MYO1B: variants seen among roughly 807,000 people sequenced by gnomAD.
MYO1B encodes the protein unconventional myosin-Ib.
Under a neutral mutation model 159.7 loss-of-function variants are expected in MYO1B, and 72 were observed. The ratio of observed to expected loss-of-function variants is 0.45; its 90% CI spans 0.37 to 0.55. MYO1B has a LOEUF of 0.55. Ranked by LOEUF, MYO1B falls within the 20% of genes least tolerant of loss-of-function variation. The probability of loss-of-function intolerance (pLI) is 0.00; values close to 1 mark genes in which losing one functional copy is unlikely to be tolerated. For synonymous variants in MYO1B, 468 were observed against 473.8 expected, an observed-to-expected ratio of 0.99 and a Z score of 0.16; for missense variants, 1,062 against 1,364.8, an observed-to-expected ratio of 0.78 and a Z score of 3.50.
chr2:191,353,842 A>G (rs941654319), intron 7 of MYO1B, among the ~76,000 whole-genome samples: 4 of 152,240 alleles, frequency 2.6e-5, no homozygotes, highest in African/African-American at 9.6e-5. Context: ...TGAGCACTCA[A>G]TAAATATTTG....
intron 2 of MYO1B, among the ~76,000 whole-genome samples, chr2:191,292,873 G>A (rs1037998213): frequency 2.0e-5 from 3 of 152,110 alleles, no homozygotes; most frequent in African/African-American, 7.3e-5. Context: ...CTCTGGGATA[G>A]CAAGTTAGCC....
chr2:191,385,182 G>A (rs1695327942), intron 15 of MYO1B, among the ~76,000 whole-genome samples: 1 of 152,146 alleles, frequency 6.6e-6, no homozygotes, highest in South Asian at 2.1e-4. Context: ...TCAGTTTAGG[G>A]CTGACTACTC....
chr2:191,268,052 C>G (rs1373734628), intron 1 of MYO1B, among the ~76,000 whole-genome samples: 2 of 152,212 alleles, frequency 1.3e-5, no homozygotes, highest in Non-Finnish European at 2.9e-5. Flanking sequence ...AGAACTTAAA[C>G]CTCCCTTCTC....
At chr2:191,354,851 A>G (rs1693169423) in intron 7 of MYO1B, among the ~76,000 whole-genome samples, 1 of 152,224 alleles carries the variant, frequency 6.6e-6, no homozygotes, top group Non-Finnish European at 1.5e-5. Context: ...GACACAGATC[A>G]TACCTCTCGA....
intron 1 of MYO1B, among the ~76,000 whole-genome samples, chr2:191,256,740 C>T (rs1161713057): frequency 1.3e-5 from 2 of 152,104 alleles, no homozygotes; most frequent in Admixed American, 6.5e-5. Context: ...GTCAGGCTGG[C>T]GGTCTCCAGT....
At chr2:191,287,198 T>C (rs1306308402) in intron 2 of MYO1B, among the ~76,000 whole-genome samples, 1 of 151,936 alleles carries the variant, frequency 6.6e-6, no homozygotes, top group African/African-American at 2.4e-5. Context: ...TCCTCAGAAT[T>C]AGATGAGGGA....
At chr2:191,336,845 A>G (rs928708204) in intron 4 of MYO1B, among the ~76,000 whole-genome samples, 7 of 152,306 alleles carry the variant, frequency 4.6e-5, no homozygotes, top group African/African-American at 1.7e-4. Context: ...CAAAAGCTCA[A>G]TTCCTAGAAA....
At chr2:191,332,866 T>A (rs1162434288) in intron 4 of MYO1B, among the ~76,000 whole-genome samples, 1 of 152,184 alleles carries the variant, frequency 6.6e-6, no homozygotes, top group East Asian at 1.9e-4. Context: ...CCCATGTTGG[T>A]AAGTCTCCTT....
At position 191,370,258 on chromosome 2, in the gene MYO1B, G is replaced by T. The variant is rs1460202891; in HGVS notation, c.1151G>T (p.Gly384Val). The T allele has an allele frequency of 1.2e-6, 2 of 1,613,402 alleles. No individual in the cohort carries two copies. Among genetic ancestry groups the T allele is most frequent in the Non-Finnish European group, 1.7e-6 (2 of 1,179,664 alleles). Residue 384 changes from glycine to valine, a missense_variant, in exon 13 of 31, where the codon GGT becomes GTT. By Grantham distance (109) the Gly-to-Val change is moderately radical. Coordinates refer to ENST00000392318, the MANE Select transcript of MYO1B (RefSeq NM_001130158.3). ...ACAAAAGTGAGAAAGAAGGTCATGGGTGTTCTGGACATTTATGGCTTTGAG... is the reference window on the plus strand; with the variant it reads ...ACAAAAGTGAGAAAGAAGGTCATGGTTGTTCTGGACATTTATGGCTTTGAG... ...AQTKVRKKVM[G>V]VLDIYGFEIF...
chr2:191,265,591 C>CA (rs1199168343), intron 1 of MYO1B, among the ~76,000 whole-genome samples: 1 of 152,188 alleles, frequency 6.6e-6, no homozygotes, highest in Non-Finnish European at 1.5e-5. Flanking sequence ...AGGAACAAAT[C>CA]AGAGTCGGGT....
chr2:191,406,879 A>G (rs1574630244), intron 24 of MYO1B, among the ~76,000 whole-genome samples: 1 of 152,362 alleles, frequency 6.6e-6, no homozygotes, highest in South Asian at 2.1e-4. Context: ...TATAAGGTAT[A>G]TGTTACAGTT....
chr2:191,416,030 T>G, intron 29 of MYO1B, 85 bp from the exon 30 acceptor site: 1 of 1,391,514 alleles, frequency 7.2e-7, no homozygotes, highest in Non-Finnish European at 9.9e-7. Context: ...TTAAAGAGAC[T>G]GTAAGTATGT....
intron 3 of MYO1B, among the ~76,000 whole-genome samples, chr2:191,297,713 T>C (rs1456143129): frequency 6.6e-6 from 1 of 152,180 alleles, no homozygotes; most frequent in Non-Finnish European, 1.5e-5. Context: ...AAGCTGGCAA[T>C]TTGGGTCACT....
chr2:191,418,558 T>G (rs1170262840), intron 30 of MYO1B, among the ~76,000 whole-genome samples: 1 of 138,806 alleles, frequency 7.2e-6, no homozygotes, highest in East Asian at 2.3e-4. Context: ...GGCACGATCT[T>G]GGCTCACCGC....
At chr2:191,364,881 G>T (rs1693906185) in intron 11 of MYO1B, among the ~76,000 whole-genome samples, 1 of 152,182 alleles carries the variant, frequency 6.6e-6, no homozygotes. Context: ...GAACAATCAA[G>T]GGTGATTTAA....
intron 1 of MYO1B, among the ~76,000 whole-genome samples, chr2:191,261,823 G>A (rs1686829410): frequency 6.6e-6 from 1 of 152,094 alleles, no homozygotes; most frequent in Non-Finnish European, 1.5e-5. Context: ...GAGTACAACA[G>A]TGGACATATA....
intron 3 of MYO1B, among the ~76,000 whole-genome samples, chr2:191,311,346 A>G (rs1486395800): frequency 6.6e-6 from 1 of 152,190 alleles, no homozygotes; most frequent in African/African-American, 2.4e-5. Context: ...ACCTTGGGAA[A>G]ACACATGCAG....
At chr2:191,310,636 AT>A (rs1298503514) in intron 3 of MYO1B, among the ~76,000 whole-genome samples, 1 of 152,228 alleles carries the variant, frequency 6.6e-6, no homozygotes, top group African/African-American at 2.4e-5. Context: ...ATGTAGAGCT[AT>A]TTTTCAATTT....
Position 191,383,266 on chromosome 2 carries a change from GT to G in MYO1B, c.1291-10del. 6.5e-7 allele frequency: 1 copy of G among 1,545,656 alleles called. No homozygotes were observed. Among genetic ancestry groups the G allele is most frequent in the Admixed American group, 1.9e-5 (1 of 52,312 alleles). On this transcript the variant is annotated splice_polypyrimidine_tract_variant and intron_variant, in intron 14 of 30. Coordinates refer to ENST00000392318, the MANE Select transcript of MYO1B (RefSeq NM_001130158.3). ...ATCTTGTGTCATTGGATTTTGTTCT[GT>G]TTTGTCTTTTAGGATATAGAATGGA...
Sources: gnomAD v4.1 joint callset for allele counts (sites outside exome capture counted in the v4.1 genomes callset) on GRCh38, gnomAD v4.1.1 for gene constraint, MANE v1.5 for transcripts, NCBI Gene and HGNC (gene_info 2026-07-23, HGNC 2026-07-21) for gene names.